Variants in ZFHX3 observed in about 807,000 individuals in gnomAD.
ZFHX3 encodes zinc finger homeobox protein 3.
Under a neutral mutation model 279.1 loss-of-function variants are expected in ZFHX3, and 42 were observed. The observed-to-expected ratio is 0.15, with a 90% CI of 0.12 to 0.19. The LOEUF (loss-of-function observed/expected upper bound fraction) is 0.19. Among genes scored for constraint, ZFHX3 ranks in the 10% least tolerant of loss-of-function variants. ZFHX3 has a pLI of 1.00. For missense variants in ZFHX3, 4,981 were observed against 4,754.0 expected (o/e 1.05, Z -1.40); for synonymous variants, 2,293 against 1,957.8 (o/e 1.17, Z -4.52).
At chr16:73,566,784 T>C (rs1175998099) in intron 2 of ZFHX3, among the ~76,000 whole-genome samples, 1 of 151,120 alleles carries the variant, frequency 6.6e-6, no homozygotes, top group East Asian at 2.0e-4. Flanking sequence ...CTGCAACCTC[T>C]GCCTCCCAGG....
intron 5 of ZFHX3, among the ~76,000 whole-genome samples, 159 bp from the exon 6 acceptor site, chr16:72,812,197 T>C (rs1014764725): frequency 4.3e-4 from 66 of 152,306 alleles, no homozygotes; most frequent in African/African-American, 1.4e-3. Context: ...ATCAAGCATG[T>C]TGGAAAAGAA....
At chr16:73,851,066 G>A (rs1443584862) in intron 1 of ZFHX3, among the ~76,000 whole-genome samples, 1 of 151,962 alleles carries the variant, frequency 6.6e-6, no homozygotes, top group Non-Finnish European at 1.5e-5. Context: ...AATTACAAGA[G>A]ACCACAATAT....
chr16:72,870,672 C>T (rs552097577), intron 4 of ZFHX3, among the ~76,000 whole-genome samples: 2 of 143,520 alleles, frequency 1.4e-5, no homozygotes, highest in South Asian at 2.2e-4. Context: ...GAGCCGAGAT[C>T]GCACCACTGC....
At chr16:73,761,444 A>C (rs1441611907) in intron 1 of ZFHX3, among the ~76,000 whole-genome samples, 1 of 152,218 alleles carries the variant, frequency 6.6e-6, no homozygotes, top group African/African-American at 2.4e-5. Flanking sequence ...TATTCCCATT[A>C]AACTCCAATT....
chr16:73,217,524 A>T (rs1018737168), intron 5 of ZFHX3, among the ~76,000 whole-genome samples: 1 of 152,186 alleles, frequency 6.6e-6, no homozygotes, highest in Non-Finnish European at 1.5e-5. Context: ...AATTAAGACC[A>T]TTGTAAATTT....
chr16:72,807,199 G>A (rs775834876), intron 7 of ZFHX3: 2 of 152,200 alleles, frequency 1.3e-5, no homozygotes, highest in Non-Finnish European at 2.9e-5. Context: ...ATAGGTGAGA[G>A]TTCTTATGTG....
At chr16:72,854,117 G>A (rs1358381672) in intron 4 of ZFHX3, among the ~76,000 whole-genome samples, 1 of 152,190 alleles carries the variant, frequency 6.6e-6, no homozygotes, top group Non-Finnish European at 1.5e-5. Context: ...AGAAGTAAGC[G>A]AAGCAATTAA....
intron 2 of ZFHX3, among the ~76,000 whole-genome samples, chr16:73,659,977 T>C (rs1260162436): frequency 6.6e-6 from 1 of 152,204 alleles, no homozygotes; most frequent in African/African-American, 2.4e-5. Flanking sequence ...TAAGCTCTCT[T>C]TGCATTAAGT....
At chr16:73,700,974 T>A (rs2053240476) in intron 1 of ZFHX3, among the ~76,000 whole-genome samples, 1 of 152,196 alleles carries the variant, frequency 6.6e-6, no homozygotes, top group South Asian at 2.1e-4. Flanking sequence ...GTCTTTTTTT[T>A]AAGCAAAGGA....
At chr16:73,420,825 T>C (rs565149949) in intron 3 of ZFHX3, 2 of 152,344 alleles carry the variant, frequency 1.3e-5, no homozygotes, top group African/African-American at 2.4e-5. Flanking sequence ...ATCAACTGGT[T>C]GTCTATGACT....
At chr16:73,648,748 T>G (rs1028212866) in intron 2 of ZFHX3, among the ~76,000 whole-genome samples, 1 of 152,162 alleles carries the variant, frequency 6.6e-6, no homozygotes, top group Non-Finnish European at 1.5e-5. Flanking sequence ...ATAATTTGCT[T>G]TGCCCCATTG....
intron 3 of ZFHX3, among the ~76,000 whole-genome samples, chr16:73,398,663 G>T (rs1347494910): frequency 6.6e-6 from 1 of 152,162 alleles, no homozygotes; most frequent in African/African-American, 2.4e-5. Context: ...CATAATTTGT[G>T]TCCAGACTTA....
chr16:73,369,165 T>C (rs55822425), intron 3 of ZFHX3, among the ~76,000 whole-genome samples: 3,532 of 152,330 alleles, frequency 0.023, 149 homozygotes, highest in African/African-American at 0.08. Flanking sequence ...CTATCACGCT[T>C]AAGCTAACAA....
intron 5 of ZFHX3, among the ~76,000 whole-genome samples, chr16:73,244,140 T>C (rs1297130057): frequency 6.6e-6 from 1 of 152,118 alleles, no homozygotes; most frequent in African/African-American, 2.4e-5. Flanking sequence ...AAGTTTGGCC[T>C]TTGCAAGGAT....
intron 7 of ZFHX3, among the ~76,000 whole-genome samples, chr16:73,108,224 C>A (rs1567390672): frequency 6.6e-6 from 1 of 151,784 alleles, no homozygotes; most frequent in Admixed American, 6.6e-5. Context: ...GTCCCAGCTG[C>A]TCAAGAGGCT....
At chr16:73,631,100 TTA>T (rs2052464354) in intron 2 of ZFHX3, among the ~76,000 whole-genome samples, 1 of 152,150 alleles carries the variant, frequency 6.6e-6, no homozygotes. Context: ...AAATGGGCCA[TTA>T]CCAGTAAGAG....
intron 3 of ZFHX3, among the ~76,000 whole-genome samples, chr16:73,407,327 G>A (rs183751325): frequency 6.6e-6 from 1 of 152,174 alleles, no homozygotes; most frequent in Non-Finnish European, 1.5e-5. Flanking sequence ...ATCCAAAACC[G>A]ATTGCATTGG....
intron 1 of ZFHX3, among the ~76,000 whole-genome samples, chr16:73,835,746 C>T (rs1004399891): frequency 1.3e-5 from 2 of 152,088 alleles, no homozygotes; most frequent in African/African-American, 4.8e-5. Context: ...GCTGGGATTA[C>T]AGGCATGAGC....
chr16:72,992,062 T>A (rs1290847345), intron 1 of ZFHX3, among the ~76,000 whole-genome samples: 4 of 151,886 alleles, frequency 2.6e-5, no homozygotes. Context: ...GGCAGAGGGG[T>A]CTCTTCCACT....
Sources: gnomAD v4.1 joint callset for allele counts (sites outside exome capture counted in the v4.1 genomes callset) on GRCh38, gnomAD v4.1.1 for gene constraint, MANE v1.5 for transcripts, NCBI Gene and HGNC (gene_info 2026-07-23, HGNC 2026-07-21) for gene names.